The following PRAG1 variants were observed in gnomAD, a reference collection of about 807,000 sequenced individuals.
The protein encoded by PRAG1 is PEAK1 related, kinase-activating pseudokinase 1.
In PRAG1, 110 loss-of-function variants were observed where a neutral mutation model predicts 95.6. The ratio of observed to expected loss-of-function variants is 1.15; its 90% CI spans 0.99 to 1.35. The LOEUF is 1.35. Among genes scored for constraint, PRAG1 ranks in the 40% most tolerant of loss-of-function variants. The pLI, the probability that PRAG1 is intolerant of heterozygous loss-of-function variation, is 0.00. For synonymous variants in PRAG1, 1,052 were observed against 819.4 expected, an observed-to-expected ratio of 1.28 and a Z score of -4.85; for missense variants, 2,554 against 1,864.7, an observed-to-expected ratio of 1.37 and a Z score of -6.81.
rs201268497 is a variant in PRAG1, at chr8:8,318,349, G to T, written c.4026C>A (p.Thr1342=). 1,299 of 1,613,976 alleles carry T rather than the reference G, an allele frequency of 8.0e-4. 1 individual carries two copies. Among genetic ancestry groups the T allele is most frequent in the Non-Finnish European group, 9.7e-4 (1,148 of 1,179,898 alleles). The change falls in exon 6 of 6, where the codon ACC becomes ACA. Residue 1342 remains threonine, a synonymous_variant. Coordinates refer to ENST00000615670, the MANE Select transcript of PRAG1 (RefSeq NM_001080826.3). This position sits in a 1 kb window ranked among gnomAD's most constrained non-coding sequence, Gnocchi z 4.2. Reference sequence around the variant, plus strand: ...GCGTGCCGCACAGCGCCTCCTCCGAGGTGCCCGGCTGCTGCACCAGCTCGC... The same window carrying T: ...GCGTGCCGCACAGCGCCTCCTCCGATGTGCCCGGCTGCTGCACCAGCTCGC... The part of the protein sequence containing the change: ...PRRELVQQPG[T]SEEALCGTLH...
intron 4 of PRAG1, among the ~76,000 whole-genome samples, chr8:8,332,867 C>T (rs11991930): frequency 0.074 from 11,104 of 150,782 alleles, 933 homozygotes; most frequent in African/African-American, 0.21. Flanking sequence ...TAAACATGGC[C>T]TTAGGCAACA....
intron 3 of PRAG1, among the ~76,000 whole-genome samples, chr8:8,355,869 G>T (rs1279618151): frequency 6.6e-6 from 1 of 152,164 alleles, no homozygotes; most frequent in Admixed American, 6.5e-5. Context: ...CCTTGGAAAT[G>T]ATTTTTTGGA....
At chr8:8,383,763 C>A (rs1800759919) in intron 1 of PRAG1, among the ~76,000 whole-genome samples, 1 of 152,190 alleles carries the variant, frequency 6.6e-6, no homozygotes, top group Non-Finnish European at 1.5e-5. Flanking sequence ...CAGGTTCCTT[C>A]TTTGCCAAGT....
At chr8:8,380,669 C>G (rs775425309) in intron 2 of PRAG1, among the ~76,000 whole-genome samples, 5 of 151,802 alleles carry the variant, frequency 3.3e-5, no homozygotes, top group Non-Finnish European at 7.4e-5. Flanking sequence ...TCCTGGCCAA[C>G]GTGGTGAAAC....
intron 3 of PRAG1, among the ~76,000 whole-genome samples, chr8:8,347,333 T>C (rs1439618445): frequency 6.6e-6 from 1 of 152,214 alleles, no homozygotes; most frequent in Non-Finnish European, 1.5e-5. Flanking sequence ...CAGAGCTCTC[T>C]GTTTCCCCTC....
chr8:8,366,832 C>T (rs1202080878), intron 3 of PRAG1, among the ~76,000 whole-genome samples: 1 of 151,728 alleles, frequency 6.6e-6, no homozygotes, highest in Admixed American at 6.6e-5. Flanking sequence ...TATGTGCCAC[C>T]ATGCCCTACT....
chr8:8,343,939 T>C (rs2116847565), intron 3 of PRAG1, among the ~76,000 whole-genome samples: 1 of 152,104 alleles, frequency 6.6e-6, no homozygotes, highest in East Asian at 1.9e-4. Flanking sequence ...TGGGAAAAAA[T>C]AATTATAGTA....
At chr8:8,380,909 T>C (rs1450445726) in intron 2 of PRAG1, among the ~76,000 whole-genome samples, 3 of 151,824 alleles carry the variant, frequency 2.0e-5, no homozygotes, top group Non-Finnish European at 4.4e-5. Context: ...GTGGTTATGT[T>C]TTTCAGAAAG....
Position 8,328,454 on chromosome 8 carries a change from C to A in PRAG1, c.2328G>T (p.Ser776=). Residue 776 remains serine, a synonymous_variant, in exon 5 of 6, where the codon TCG becomes TCT. Coordinates refer to ENST00000615670, the MANE Select transcript of PRAG1 (RefSeq NM_001080826.3). Reference sequence around the variant, plus strand: ...TGGTGGGCGAGTGAGCCAGCTCAGACGAGGGACCTGAAGAGGAGAGACAGA... The same window carrying A: ...TGGTGGGCGAGTGAGCCAGCTCAGAAGAGGGACCTGAAGAGGAGAGACAGA... ...DSRTCSDGGP[S]SELAHSPTNS... 1.2e-6 allele frequency: 2 copies of A among 1,613,326 alleles called. No homozygotes were observed. The highest frequency in any genetic ancestry group is 1.7e-6 in the Non-Finnish European group (2 of 1,179,958).
chr8:8,376,045 G>C (rs577929014), intron 3 of PRAG1, among the ~76,000 whole-genome samples: 1 of 152,246 alleles, frequency 6.6e-6, no homozygotes, highest in South Asian at 2.1e-4. Flanking sequence ...ACCACAAGTA[G>C]GTTTGTTTGC....
chr8:8,368,353 A>G (rs761204956), intron 3 of PRAG1, among the ~76,000 whole-genome samples: 1 of 152,260 alleles, frequency 6.6e-6, no homozygotes, highest in Non-Finnish European at 1.5e-5. Flanking sequence ...GGAATTTTAC[A>G]GAGTTGTATG....
intron 3 of PRAG1, among the ~76,000 whole-genome samples, chr8:8,369,314 C>T (rs1033828197): frequency 2.0e-5 from 3 of 152,064 alleles, no homozygotes; most frequent in Non-Finnish European, 4.4e-5. Context: ...CCTGCACTCC[C>T]AGGAGTTTAT....
chr8:8,328,319 C>T lies in PRAG1; in HGVS notation c.2463G>A (p.Val821=). ...CATCCGGTGAAGAGGCTGCCCGGCT[C>T]ACTATCTTTTTCTGGGGGAGTGGAG... ...QPPPLPQKKI[V]SRAASSPDGF... is the part of the protein sequence containing the mutation. The change falls in exon 5 of 6, where the codon GTG becomes GTA. Residue 821 remains valine (V), a synonymous_variant. Coordinates refer to ENST00000615670, the MANE Select transcript of PRAG1 (RefSeq NM_001080826.3). 6.2e-7 allele frequency: 1 copy of T among 1,613,680 alleles called. No individual in the cohort carries two copies. The highest frequency in any genetic ancestry group is 1.3e-5 in the African/African-American group (1 of 74,950).
intron 3 of PRAG1, among the ~76,000 whole-genome samples, chr8:8,355,931 C>T (rs1799667159): frequency 1.3e-5 from 2 of 152,132 alleles, no homozygotes; most frequent in African/African-American, 2.4e-5. Context: ...AATGGAACTA[C>T]ATCAAACAGA....
In PRAG1 at chr8:8,328,178, G is replaced by A. The variant is rs992409119; in HGVS notation, c.2604C>T (p.Pro868=). Residue 868 remains proline (P), a synonymous_variant, in exon 5 of 6, where the codon CCC becomes CCT. Transcript: ENST00000615670. ...DESHFSYSLS[P]GNRHHPVFSS... ...AGAAGACAGGATGGTGGCGGTTCCC[G>A]GGGCTCAACGAATAGCTAAAGTGAG... The A allele has an allele frequency of 1.4e-5, 23 of 1,614,204 alleles. No homozygotes were observed. The highest frequency in any genetic ancestry group is 2.2e-5 in the East Asian group (1 of 44,878).
At chr8:8,375,376 GTAT>G (rs1163587868) in intron 3 of PRAG1, among the ~76,000 whole-genome samples, 1 of 151,922 alleles carries the variant, frequency 6.6e-6, no homozygotes, top group Non-Finnish European at 1.5e-5. Context: ...GCTAATTTTT[GTAT>G]TTTTAGTAGA....
Position 8,318,746 on chromosome 8 carries a change from G to T in PRAG1, c.3629C>A (p.Pro1210His). 1 of 1,600,954 alleles carries T rather than the reference G, an allele frequency of 6.2e-7. No homozygotes were observed. The change falls in exon 6 of 6, where the codon CCC becomes CAC. Residue 1210 changes from proline to histidine, a missense_variant. Coordinates refer to ENST00000615670, the MANE Select transcript of PRAG1 (RefSeq NM_001080826.3). The surrounding 1 kb of genome is among the most constrained non-coding windows in gnomAD (Gnocchi z 4.2). ...SPEGPREKQL[P>H]RLIISNFLKA... Reference sequence around the variant, plus strand: ...CAAAAAGTTGCTGATGATGAGCCGGGGCAGCTGCTTCTCCCGGGGCCCTTC... The same window carrying T: ...CAAAAAGTTGCTGATGATGAGCCGGTGCAGCTGCTTCTCCCGGGGCCCTTC...
At chr8:8,358,522 T>C (rs1361428657) in intron 3 of PRAG1, among the ~76,000 whole-genome samples, 1 of 152,196 alleles carries the variant, frequency 6.6e-6, no homozygotes, top group Non-Finnish European at 1.5e-5. Flanking sequence ...CCAACTCCCC[T>C]ACTGAAGTGA....
Position 8,377,001 on chromosome 8 carries a change from C to T in PRAG1, c.1408G>A (p.Val470Met). The stretch of plus-strand genomic sequence containing the variant: ...GCCATGACTGTGATGGTGGCTGACA[C>T]CTGGGGAGTTGGGTCTGGGCTGTCC... Reference protein sequence around the residue: ...GRDSPDPTPQVSATITVMAAH... With the variant: ...GRDSPDPTPQMSATITVMAAH... Residue 470 changes from valine to methionine, a missense_variant, in exon 3 of 6, where the codon GTG becomes ATG. Val to Met is a conservative substitution (Grantham distance 21). Coordinates refer to ENST00000615670, the MANE Select transcript of PRAG1 (RefSeq NM_001080826.3). 6.2e-7 allele frequency: 1 copy of T among 1,613,820 alleles called. No individual in the cohort carries two copies. Among genetic ancestry groups the T allele is most frequent in the South Asian group, 1.1e-5 (1 of 91,070 alleles).
Sources: allele counts gnomAD v4.1 joint callset (sites outside exome capture counted in the v4.1 genomes callset), GRCh38; gene constraint gnomAD v4.1.1; non-coding constraint Gnocchi (gnomAD v3.1); transcripts MANE v1.5; gene names NCBI Gene and HGNC (gene_info 2026-07-23, HGNC 2026-07-21).